The following PDK3 variants were observed in gnomAD, a reference collection of about 807,000 sequenced individuals.
The protein encoded by PDK3 is pyruvate dehydrogenase kinase, isozyme 3.
A neutral mutation model predicts 32.0 loss-of-function variants in PDK3; 12 were observed. That is an observed-to-expected ratio of 0.37 (90% confidence interval 0.24 to 0.61). The LOEUF is 0.61. PDK3 is among the 20% of genes least tolerant of loss of function. PDK3 has a pLI of 0.65. For synonymous variants in PDK3, 122 were observed against 116.3 expected (o/e 1.05, Z -0.31); for missense variants, 188 against 316.9 (o/e 0.59, Z 3.09).
chrX:24,521,951 A>G (rs1363672220), intron 6 of PDK3, among the ~76,000 whole-genome samples: 1 of 112,026 alleles, frequency 8.9e-6, no homozygotes, highest in Admixed American at 9.5e-5. Flanking sequence ...TCTTGTGAGC[A>G]TGATTAAGGA....
intron 1 of PDK3, among the ~76,000 whole-genome samples, chrX:24,469,896 CAT>C (rs1269437552): frequency 8.9e-6 from 1 of 112,302 alleles, no homozygotes; most frequent in Non-Finnish European, 1.9e-5. Context: ...TATCATCTCA[CAT>C]AGTTACCCTT....
At chrX:24,528,236 G>A (rs1922569589) in intron 9 of PDK3, 50 bp downstream of exon 9, 1 of 660,365 alleles carries the variant, frequency 1.5e-6, no homozygotes. Flanking sequence ...CACAGGAAGG[G>A]GCTCAGAGGG....
At chrX:24,469,291 T>C (rs1220788030) in intron 1 of PDK3, among the ~76,000 whole-genome samples, 1 of 111,635 alleles carries the variant, frequency 9.0e-6, no homozygotes, top group Non-Finnish European at 1.9e-5. Context: ...ATTTGTAATT[T>C]TGGCGAACAT....
intron 5 of PDK3, among the ~76,000 whole-genome samples, chrX:24,510,198 C>T (rs956745752): frequency 1.8e-5 from 2 of 112,158 alleles, no homozygotes; most frequent in African/African-American, 3.2e-5. Flanking sequence ...CCAAGAAAGA[C>T]GAACTGGAAC....
At chrX:24,506,801 CT>C (rs10682263) in intron 5 of PDK3, among the ~76,000 whole-genome samples, 106 of 49,480 alleles carry the variant, frequency 2.1e-3, no homozygotes, top group Middle Eastern at 0.025. Context: ...TTTTTTCTTT[CT>C]TTTTTTTTTT....
rs1921534817 is a variant in PDK3 at position 24,490,756 on chromosome X, A to G, written c.107-3986A>G. On this transcript the variant is annotated intron_variant, in intron 1 of 10. Transcript: ENST00000379162. Reference sequence around the variant, plus strand: ...AATTCTGAAACCATCTAGATCTGCAACTTCTAGAGAAGAGATGAGAAGCTG... The same window carrying G: ...AATTCTGAAACCATCTAGATCTGCAGCTTCTAGAGAAGAGATGAGAAGCTG... Among the ~76,000 whole-genome samples the G allele has an allele frequency of 1.8e-5, 2 of 111,236 alleles. 1 individual carries two copies. The highest frequency in any genetic ancestry group is 7.5e-4 in the South Asian group (2 of 2,651).
chrX:24,472,523 A>T (rs1477385861), intron 1 of PDK3, among the ~76,000 whole-genome samples: 4 of 111,430 alleles, frequency 3.6e-5, no homozygotes, highest in South Asian at 7.4e-4. Flanking sequence ...GTAAAATATC[A>T]GTACATCTTA....
rs1940050348 is a variant in PDK3, at chrX:24,465,308, T to TGCG, written c.-146_-145insGGC. On this transcript the variant is annotated 5_prime_UTR_variant, in exon 1 of 11. Transcript: ENST00000379162. ...GCCGCTGTCCTGGAGCTGCTGCTGC[T>TGCG]GCTGCGGCGGCTGCACCGGCGGCGC... 2.8e-6 allele frequency: 1 copy of TGCG among 358,684 alleles called. No homozygotes were observed. Among genetic ancestry groups the TGCG allele is most frequent in the East Asian group, 5.1e-5 (1 of 19,754 alleles). 29.6% of individuals were successfully genotyped at this position (358,684 alleles called of 1,213,427 possible). A position where few individuals can be genotyped will look rare whatever the true frequency, so the allele number is the denominator to read the frequency against.
exon 12 of PDK3, chrX:24,549,060 T>C (rs1923051343): frequency 8.9e-6 from 1 of 111,771 alleles, no homozygotes; most frequent in African/African-American, 3.3e-5. Context: ...ATTGAAAAAA[T>C]GTTGAAGTTA....
chrX:24,523,305 A>G (rs1468390373), intron 6 of PDK3, among the ~76,000 whole-genome samples: 3 of 112,491 alleles, frequency 2.7e-5, no homozygotes, highest in Non-Finnish European at 5.6e-5. Context: ...CCATCACATC[A>G]AGGGTTACAT....
rs1160345656 is a variant in PDK3 at position 24,484,075 on chromosome X, G to A, written c.107-10667G>A. Among the ~76,000 whole-genome samples the A allele has an allele frequency of 3.6e-5, 4 of 110,152 alleles. No homozygotes were observed. The South Asian group carries it at 1.2e-3, about 32-fold the overall frequency. On this transcript the variant is annotated intron_variant, in intron 1 of 10. Transcript: ENST00000379162. ...CGCCCAGGCTGGAGTGCAGTGGCACGATCTCGGCTCACTGCAACCTCCACC... is the reference window on the plus strand; with the variant it reads ...CGCCCAGGCTGGAGTGCAGTGGCACAATCTCGGCTCACTGCAACCTCCACC...
At chrX:24,506,967 C>T (rs924559952) in intron 5 of PDK3, among the ~76,000 whole-genome samples, 5 of 109,248 alleles carry the variant, frequency 4.6e-5, no homozygotes, top group African/African-American at 6.7e-5. Flanking sequence ...CATGCCACCA[C>T]GCCCAGCTAA....
chrX:24,520,679 G>T (rs746319265), intron 6 of PDK3, among the ~76,000 whole-genome samples: 1 of 112,126 alleles, frequency 8.9e-6, no homozygotes, highest in African/African-American at 3.2e-5. Context: ...ATAGAGCTTT[G>T]GTTTTTGCAT....
Position 24,494,769 on chromosome X carries a change from CAT to C in PDK3, c.139_140del (p.Met47ValfsTer12). On this transcript the variant is annotated frameshift_variant, in exon 2 of 11. Transcript: ENST00000379162. LOFTEE classifies it high-confidence loss of function. ...AGAGATAATGCATGTGAGAAAACTTCATATATGTTTCTACGAAAGGAACTTCC... is the reference window on the plus strand; with the variant it reads ...AGAGATAATGCATGTGAGAAAACTTCATATGTTTCTACGAAAGGAACTTCC... 1 of 1,195,674 alleles carries C rather than the reference CAT, an allele frequency of 8.4e-7. No individual in the cohort carries two copies. Among genetic ancestry groups the C allele is most frequent in the Non-Finnish European group, 1.1e-6 (1 of 882,537 alleles).
chrX:24,508,743 C>T (rs999670587), intron 5 of PDK3, among the ~76,000 whole-genome samples: 9 of 110,865 alleles, frequency 8.1e-5, no homozygotes, highest in Non-Finnish European at 1.5e-4. Flanking sequence ...GATGGAGTCT[C>T]GCTCTGTCGT....
At chrX:24,473,082 T>C (rs1438331222) in intron 1 of PDK3, among the ~76,000 whole-genome samples, 2 of 109,421 alleles carry the variant, frequency 1.8e-5, no homozygotes, top group African/African-American at 6.6e-5. Flanking sequence ...ATGTTCAGAA[T>C]AAACATTTAT....
intron 6 of PDK3, among the ~76,000 whole-genome samples, chrX:24,522,447 A>C (rs1213496876): frequency 9.0e-6 from 1 of 111,723 alleles, no homozygotes; most frequent in Non-Finnish European, 1.9e-5. Context: ...ATGTTGTTTA[A>C]ACTGAAAAAA....
intron 9 of PDK3, among the ~76,000 whole-genome samples, chrX:24,529,171 A>T (rs1922589173): frequency 9.0e-6 from 1 of 111,617 alleles, no homozygotes; most frequent in Admixed American, 9.5e-5. Context: ...AAAAGGAAAA[A>T]AGGCACCACA....
intron 2 of PDK3, among the ~76,000 whole-genome samples, chrX:24,498,496 A>G (rs1393111189): frequency 8.9e-6 from 1 of 112,056 alleles, no homozygotes; most frequent in Non-Finnish European, 1.9e-5. Context: ...CTTTTCTGTC[A>G]TTTTACTGGC....
Sources: gnomAD v4.1 joint callset for allele counts (sites outside exome capture counted in the v4.1 genomes callset) on GRCh38, gnomAD v4.1.1 for gene constraint, MANE v1.5 for transcripts, NCBI Gene and HGNC (gene_info 2026-07-23, HGNC 2026-07-21) for gene names.